Variants in NEK7 observed in about 807,000 individuals in gnomAD.
The protein encoded by NEK7 is NIMA related kinase 7.
In NEK7, 18 loss-of-function variants were observed where a neutral mutation model predicts 44.6. The ratio of observed to expected loss-of-function variants is 0.40; its 90% CI spans 0.28 to 0.60. NEK7 has a LOEUF of 0.60. Ranked by LOEUF, NEK7 falls within the 20% of genes least tolerant of loss-of-function variation. The probability of loss-of-function intolerance (pLI) is 0.38; values close to 1 mark genes in which losing one functional copy is unlikely to be tolerated. For missense variants in NEK7, 256 were observed against 366.5 expected, an observed-to-expected ratio of 0.70 and a Z score of 2.46; for synonymous variants, 130 against 121.1, an observed-to-expected ratio of 1.07 and a Z score of -0.48.
At chr1:198,284,905 G>C (rs956346596) in intron 7 of NEK7, among the ~76,000 whole-genome samples, 12 of 151,990 alleles carry the variant, frequency 7.9e-5, no homozygotes, top group African/African-American at 2.9e-4. Context: ...CAATGAATAC[G>C]AGTACTGTAT....
chr1:198,279,614 A>G (rs1369279460), intron 7 of NEK7, among the ~76,000 whole-genome samples: 1 of 151,990 alleles, frequency 6.6e-6, no homozygotes, highest in Non-Finnish European at 1.5e-5. Flanking sequence ...TGACAATCAG[A>G]ATTAAGTAAA....
At chr1:198,220,104 C>T (rs1400543000) in intron 1 of NEK7, among the ~76,000 whole-genome samples, 1 of 151,748 alleles carries the variant, frequency 6.6e-6, no homozygotes, top group East Asian at 1.9e-4. Flanking sequence ...AAGTAGGTTC[C>T]CCCTTTTCAC....
intron 4 of NEK7, among the ~76,000 whole-genome samples, chr1:198,263,892 C>T (rs890833680): frequency 6.6e-6 from 1 of 151,704 alleles, no homozygotes; most frequent in Non-Finnish European, 1.5e-5. Flanking sequence ...AAGATTTAAA[C>T]GTAAAATATA....
intron 1 of NEK7, among the ~76,000 whole-genome samples, chr1:198,218,095 A>C (rs985372290): frequency 5.3e-5 from 8 of 152,150 alleles, no homozygotes; most frequent in Non-Finnish European, 8.8e-5. Context: ...ATGGAACCAA[A>C]AAGCCCAAAT....
At chr1:198,205,040 C>T (rs1465580241) in intron 1 of NEK7, among the ~76,000 whole-genome samples, 3 of 152,032 alleles carry the variant, frequency 2.0e-5, no homozygotes, top group African/African-American at 4.8e-5. Flanking sequence ...GCTCCCCGTC[C>T]CCCCTTCCTT....
At chr1:198,307,853 C>G (rs976182428) in intron 9 of NEK7, among the ~76,000 whole-genome samples, 2 of 152,064 alleles carry the variant, frequency 1.3e-5, no homozygotes, top group African/African-American at 4.8e-5. Context: ...TAATAATCAT[C>G]ATGTATATAT....
At chr1:198,293,483 G>C (rs1263728156) in intron 8 of NEK7, among the ~76,000 whole-genome samples, 2 of 151,866 alleles carry the variant, frequency 1.3e-5, no homozygotes, top group Non-Finnish European at 3.0e-5. Flanking sequence ...CAAACAGATA[G>C]TTCTTCTAGG....
At chr1:198,194,708 A>G (rs968122625) in intron 1 of NEK7, among the ~76,000 whole-genome samples, 3 of 152,106 alleles carry the variant, frequency 2.0e-5, no homozygotes, top group African/African-American at 7.2e-5. Context: ...TTCTTTATCC[A>G]GTCTACCAAT....
chr1:198,215,805 AT>A (rs755703868), intron 1 of NEK7, among the ~76,000 whole-genome samples: 251 of 127,898 alleles, frequency 2.0e-3, no homozygotes, highest in Middle Eastern at 7.4e-3. Flanking sequence ...CAGTAAAAAA[AT>A]AAAAAAAAAC....
intron 4 of NEK7, among the ~76,000 whole-genome samples, chr1:198,263,637 T>C (rs984734067): frequency 6.6e-6 from 1 of 151,952 alleles, no homozygotes; most frequent in Non-Finnish European, 1.5e-5. Context: ...TTATTTGATA[T>C]AAAAGCAATA....
intron 3 of NEK7, among the ~76,000 whole-genome samples, chr1:198,257,467 A>G (rs1358078287): frequency 2.0e-5 from 3 of 152,212 alleles, no homozygotes; most frequent in Non-Finnish European, 4.4e-5. Context: ...TAGCACTTCC[A>G]TAATACATAG....
intron 2 of NEK7, among the ~76,000 whole-genome samples, chr1:198,233,444 T>C (rs1254909662): frequency 6.6e-6 from 1 of 152,196 alleles, no homozygotes; most frequent in Non-Finnish European, 1.5e-5. Flanking sequence ...ATTGCTGTTG[T>C]TCCTGAAGAC....
At chr1:198,173,659 A>G (rs1558041353) in intron 1 of NEK7, among the ~76,000 whole-genome samples, 1 of 130,698 alleles carries the variant, frequency 7.7e-6, no homozygotes, top group South Asian at 3.3e-4. Context: ...TAGTTGGAAT[A>G]TGGATTTTCA....
intron 3 of NEK7, among the ~76,000 whole-genome samples, chr1:198,260,750 C>A (rs1393760017): frequency 6.6e-6 from 1 of 151,928 alleles, no homozygotes; most frequent in Non-Finnish European, 1.5e-5. Context: ...AAATTTGATA[C>A]TTGAAGTTTT....
At position 198,319,540 on chromosome 1, in the gene NEK7, G is replaced by T. The variant is rs777194355; in HGVS notation, c.*18G>T. The T allele has an allele frequency of 5.7e-6, 9 of 1,588,924 alleles. No homozygotes were observed. The highest frequency in any genetic ancestry group is 1.1e-5 in the South Asian group (1 of 87,226). On this transcript the variant is annotated 3_prime_UTR_variant, in exon 10 of 10. Coordinates refer to ENST00000367385, the MANE Select transcript of NEK7 (RefSeq NM_133494.3). ...GCAGCTAAACATGCAAGATCATGAA[G>T]AGTGTAACCAAAGTAATTGAAAGTA...
intron 1 of NEK7, among the ~76,000 whole-genome samples, chr1:198,184,512 T>A (rs1664859075): frequency 6.6e-6 from 1 of 152,224 alleles, no homozygotes; most frequent in Non-Finnish European, 1.5e-5. Context: ...TTCAAAGATC[T>A]AGGGGATTTA....
intron 9 of NEK7, among the ~76,000 whole-genome samples, chr1:198,313,915 AGTTGCTCTTCTC>A (rs1655268840): frequency 6.6e-6 from 1 of 151,694 alleles, no homozygotes; most frequent in Non-Finnish European, 1.5e-5. Flanking sequence ...TGTGTCTTGG[AGTTGCTCTTCTC>A]GAGGAGTATC....
At chr1:198,196,730 A>G (rs1482725033) in intron 1 of NEK7, among the ~76,000 whole-genome samples, 1 of 152,228 alleles carries the variant, frequency 6.6e-6, no homozygotes, top group African/African-American at 2.4e-5. Context: ...TTTTATCAGG[A>G]CAAGATAATT....
intron 9 of NEK7, among the ~76,000 whole-genome samples, chr1:198,307,112 T>C (rs1655042559): frequency 6.6e-6 from 1 of 152,252 alleles, no homozygotes; most frequent in South Asian, 2.1e-4. Flanking sequence ...ATTGAGATTC[T>C]CATTTAGTTA....
Sources: allele counts gnomAD v4.1 joint callset (sites outside exome capture counted in the v4.1 genomes callset), GRCh38; gene constraint gnomAD v4.1.1; transcripts MANE v1.5; gene names NCBI Gene and HGNC (gene_info 2026-07-23, HGNC 2026-07-21).